MYO1F: variants seen among roughly 807,000 people sequenced by gnomAD.
MYO1F encodes the protein myosin IF.
A neutral mutation model predicts 146.6 loss-of-function variants in MYO1F; 60 were observed. The observed-to-expected ratio is 0.41, with a 90% CI of 0.33 to 0.51. MYO1F has a LOEUF of 0.51. MYO1F is among the 20% of genes least tolerant of loss of function. MYO1F has a pLI of 0.25. For missense variants in MYO1F, 1,274 were observed against 1,534.3 expected (o/e 0.83, Z 2.83); for synonymous variants, 602 against 602.1 (o/e 1.00, Z 0.00).
intron 1 of MYO1F, among the ~76,000 whole-genome samples, chr19:8,575,041 C>G (rs1331911124): frequency 6.6e-6 from 1 of 151,718 alleles, no homozygotes; most frequent in Non-Finnish European, 1.5e-5. Context: ...CAGGCATGAG[C>G]CACTGCACCC....
At chr19:8,543,966 GTGGTGCTGGTGC>G (rs1168863193) in intron 14 of MYO1F, 42 of 344,074 alleles carry the variant, frequency 1.2e-4, no homozygotes, top group Middle Eastern at 8.7e-4. Context: ...GGTGGTGGTG[GTGGTGCTGGTGC>G]TGGTGCTGGT....
At chr19:8,552,242 A>G (rs1599993688) in intron 6 of MYO1F, 78 bp from the exon 7 acceptor site, 1 of 1,461,742 alleles carries the variant, frequency 6.8e-7, no homozygotes. Flanking sequence ...GGGTCTTATG[A>G]GCCTTGCCTC....
intron 25 of MYO1F, among the ~76,000 whole-genome samples, chr19:8,524,416 CA>C (rs777339567): frequency 0.085 from 7,132 of 83,432 alleles, 168 homozygotes; most frequent in Middle Eastern, 0.12. Context: ...GACTCTGTCT[CA>C]AAAAAAAAAA....
At chr19:8,574,549 T>C (rs2042170303) in intron 1 of MYO1F, among the ~76,000 whole-genome samples, 1 of 83,676 alleles carries the variant, frequency 1.2e-5, no homozygotes, top group Admixed American at 1.1e-4. Flanking sequence ...CTTTCTTTCT[T>C]TCTTTCTTTC....
intron 12 of MYO1F, 61 bp downstream of exon 12, chr19:8,547,975 A>C: frequency 1.8e-5 from 25 of 1,414,494 alleles, no homozygotes; most frequent in Non-Finnish European, 2.3e-5. Flanking sequence ...AGGGATCCTC[A>C]TGGTCCTTCC....
chr19:8,537,030 G>T lies in MYO1F; in HGVS notation c.1718C>A (p.Thr573Lys), dbSNP rs771016308. 3.1e-6 allele frequency: 5 copies of T among 1,613,358 alleles called. No homozygotes were observed. The highest frequency in any genetic ancestry group is 4.2e-6 in the Non-Finnish European group (5 of 1,179,748). Residue 573 changes from threonine (T) to lysine (K), a missense_variant, in exon 17 of 28, where the codon ACA becomes AAA. Thr to Lys is a moderately conservative substitution (Grantham distance 78). This residue lies in a region of MYO1F where 900 missense variants were observed against 1,155.1 expected (regional missense o/e 0.78). Coordinates refer to ENST00000644032, the MANE Select transcript of MYO1F (RefSeq NM_012335.4). ...IKKQANDLVA[T>K]LMRCTPHYIR... Reference sequence around the variant, plus strand: ...GTAGTGGGGTGTGCACCTCATCAGTGTGGCCACCAGGTCGTTGGCTTGTTT... The same window carrying T: ...GTAGTGGGGTGTGCACCTCATCAGTTTGGCCACCAGGTCGTTGGCTTGTTT...
At chr19:8,550,465 T>C in intron 9 of MYO1F, 97 bp downstream of exon 9, 1 of 1,605,544 alleles carries the variant, frequency 6.2e-7, no homozygotes, top group African/African-American at 1.3e-5. Context: ...CACATTTTTT[T>C]CCTCGTGGGC....
At chr19:8,571,045 A>G (rs1568377566) in intron 1 of MYO1F, among the ~76,000 whole-genome samples, 1 of 152,318 alleles carries the variant, frequency 6.6e-6, no homozygotes, top group East Asian at 1.9e-4. Context: ...GCCAGGAGGA[A>G]GGGCTGGAGG....
At chr19:8,562,308 C>A (rs1261963822) in intron 1 of MYO1F, among the ~76,000 whole-genome samples, 2 of 151,944 alleles carry the variant, frequency 1.3e-5, no homozygotes, top group African/African-American at 4.8e-5. Context: ...CCCTTCCTTT[C>A]TTTTTCTTGT....
rs1972454694 is a variant in MYO1F, at chr19:8,530,748, A to G, written c.2044-175T>C. Among the ~76,000 whole-genome samples the G allele has an allele frequency of 6.6e-6, 1 of 152,150 alleles. No individual in the cohort carries two copies. The highest frequency in any genetic ancestry group is 1.5e-5 in the Non-Finnish European group (1 of 68,032). On this transcript the variant is annotated intron_variant, in intron 19 of 27. Coordinates refer to ENST00000644032, the MANE Select transcript of MYO1F (RefSeq NM_012335.4). This position sits in a 1 kb window ranked among gnomAD's most constrained non-coding sequence, Gnocchi z 5.8. ...AGTGACACTCGTTCATAAAGAAAAG[A>G]AGAAAAAGGGGCCGGGCGCAGTGGC...
intron 10 of MYO1F, among the ~76,000 whole-genome samples, chr19:8,548,824 G>A (rs1023674173): frequency 5.3e-5 from 8 of 150,560 alleles, no homozygotes; most frequent in Admixed American, 2.0e-4. Flanking sequence ...TCCTGACCTC[G>A]TGATCCGCCC....
intron 1 of MYO1F, among the ~76,000 whole-genome samples, chr19:8,567,793 C>G (rs191704219): frequency 1.8e-3 from 281 of 152,344 alleles, no homozygotes; most frequent in African/African-American, 6.4e-3. Context: ...TATCAGAGAT[C>G]GCCGGGGTTG....
rs768916254 is a variant in MYO1F, at chr19:8,530,244, C to T, written c.2280G>A (p.Glu760=). ...PELRQFLGKR[E]RVDFADSVTK... Reference sequence around the variant, plus strand: ...TGACCGAATCGGCGAAGTCCACCCGCTCCCTCTTGCCCAGGAACTGACGCA... The same window carrying T: ...TGACCGAATCGGCGAAGTCCACCCGTTCCCTCTTGCCCAGGAACTGACGCA... The change falls in exon 21 of 28, where the codon GAG becomes GAA. Residue 760 remains glutamate, a synonymous_variant. Coordinates refer to ENST00000644032, the MANE Select transcript of MYO1F (RefSeq NM_012335.4). This position sits in a 1 kb window ranked among gnomAD's most constrained non-coding sequence, Gnocchi z 5.8. The T allele has an allele frequency of 1.2e-6, 2 of 1,614,140 alleles. No homozygotes were observed. The highest frequency in any genetic ancestry group is 2.2e-5 in the East Asian group (1 of 44,884).
At chr19:8,539,535 GC>G (rs202192712) in intron 16 of MYO1F, among the ~76,000 whole-genome samples, 3,725 of 152,054 alleles carry the variant, frequency 0.024, 85 homozygotes, top group African/African-American at 0.062. Context: ...GGCGGAGGTT[GC>G]AGAGGGCCCA....
chr19:8,530,430 C>T lies in MYO1F; in HGVS notation c.2158+29G>A, dbSNP rs1476338502. 2.5e-6 allele frequency: 4 copies of T among 1,613,512 alleles called. No individual in the cohort carries two copies. The highest frequency in any genetic ancestry group is 3.4e-6 in the Non-Finnish European group (4 of 1,179,984). On this transcript the variant is annotated intron_variant, in intron 20 of 27. Coordinates refer to ENST00000644032, the MANE Select transcript of MYO1F (RefSeq NM_012335.4). The surrounding 1 kb of genome is among the most constrained non-coding windows in gnomAD (Gnocchi z 5.8). ...GCTCCTCCAGGTCCTTGTGCCCCCA[C>T]CCCGCGCCGTTTACCCGAAGCCTCT...
At chr19:8,542,514 G>A (rs925382601) in intron 14 of MYO1F, among the ~76,000 whole-genome samples, 3 of 152,044 alleles carry the variant, frequency 2.0e-5, no homozygotes, top group South Asian at 4.1e-4. Flanking sequence ...GCTACCAAAG[G>A]TTAGGGCCCT....
At position 8,548,333 on chromosome 19, in the gene MYO1F, GGA is replaced by G. The variant is rs1568355277; in HGVS notation, c.1102-18_1102-17del. The G allele has an allele frequency of 1.2e-6, 2 of 1,612,706 alleles. No individual in the cohort carries two copies. The highest frequency in any genetic ancestry group is 1.1e-5 in the South Asian group (1 of 91,040). ...GGTTGATGGCCTGCGGTGTGGGTGG[GGA>G]CAGGAAGTCAGTGGGCATCGGTCAG... is the stretch of plus-strand genomic sequence containing the variant. On this transcript the variant is annotated splice_polypyrimidine_tract_variant and intron_variant, in intron 10 of 27. Coordinates refer to ENST00000644032, the MANE Select transcript of MYO1F (RefSeq NM_012335.4).
rs781878301 is a variant in MYO1F at position 8,577,425 on chromosome 19, G to T, written c.-116C>A. On this transcript the variant is annotated 5_prime_UTR_variant, in exon 1 of 28. Transcript: ENST00000644032. The surrounding 1 kb of genome is among the most constrained non-coding windows in gnomAD (Gnocchi z 4.3). ...ATGGCCCTGCTTCTGCCCGTTCACC[G>T]GACTCCCGGCTTTAGTTCCTCTTAC... is the stretch of plus-strand genomic sequence containing the variant. 1.7e-6 allele frequency: 2 copies of T among 1,204,072 alleles called. No homozygotes were observed. Among genetic ancestry groups the T allele is most frequent in the South Asian group, 1.2e-5 (1 of 80,138 alleles). 74.6% of individuals were successfully genotyped at this position (1,204,072 alleles called of 1,614,324 possible).
At chr19:8,563,443 G>C (rs755086346) in intron 1 of MYO1F, among the ~76,000 whole-genome samples, 1 of 151,800 alleles carries the variant, frequency 6.6e-6, no homozygotes, top group Non-Finnish European at 1.5e-5. Flanking sequence ...GATTATAGGC[G>C]TGCACCACCA....
Sources: gnomAD v4.1 joint callset for allele counts (sites outside exome capture counted in the v4.1 genomes callset) on GRCh38, gnomAD v4.1.1 for gene constraint, gnomAD v4.1.1 regional missense constraint, Gnocchi (gnomAD v3.1) non-coding constraint, MANE v1.5 for transcripts, NCBI Gene and HGNC (gene_info 2026-07-23, HGNC 2026-07-21) for gene names.